ELAPOR1: variants seen among roughly 807,000 people sequenced by gnomAD.
ELAPOR1 encodes the protein endosome-lysosome associated apoptosis and autophagy regulator 1.
ELAPOR1 carries 77 observed loss-of-function variants against 119.7 expected under a neutral mutation model. That is an observed-to-expected ratio of 0.64 (90% CI 0.54 to 0.78). The LOEUF is 0.78. ELAPOR1 is among the 30% of genes least tolerant of loss of function. ELAPOR1 has a pLI of 0.00. For missense variants in ELAPOR1, 1,115 were observed against 1,270.4 expected (o/e 0.88, Z 1.86); for synonymous variants, 481 against 487.2 (o/e 0.99, Z 0.17).
rs963650997 is a variant in ELAPOR1 at position 109,190,842 on chromosome 1, G to A, written c.1440-524G>A. On this transcript the variant is annotated intron_variant, in intron 11 of 21. Transcript: ENST00000369939. Reference sequence around the variant, plus strand: ...TCACAAATTCTGCTCCTTTAACCCCGGCAAAGCTCCCCAGTGCTGGAGAGA... The same window carrying A: ...TCACAAATTCTGCTCCTTTAACCCCAGCAAAGCTCCCCAGTGCTGGAGAGA... Among the ~76,000 whole-genome samples, 14 of 152,024 alleles carry A rather than the reference G, an allele frequency of 9.2e-5. 1 individual carries two copies. The highest frequency in any genetic ancestry group is 2.1e-4 in the South Asian group (1 of 4,824).
intron 3 of ELAPOR1, among the ~76,000 whole-genome samples, chr1:109,168,354 A>G (rs552388210): frequency 6.6e-6 from 1 of 152,360 alleles, no homozygotes; most frequent in South Asian, 2.1e-4. Context: ...AAGAGAATGC[A>G]AGCCCCAAGA....
intron 1 of ELAPOR1, among the ~76,000 whole-genome samples, chr1:109,160,856 G>A (rs1245036600): frequency 6.6e-6 from 1 of 152,152 alleles, no homozygotes; most frequent in East Asian, 1.9e-4. Context: ...AGGGCATTTG[G>A]CACATCAATT....
chr1:109,120,205 C>T (rs754850401), intron 1 of ELAPOR1, among the ~76,000 whole-genome samples: 2 of 152,072 alleles, frequency 1.3e-5, no homozygotes, highest in Non-Finnish European at 2.9e-5. Context: ...CAAGACCAGC[C>T]TGGCCAACAT....
intron 1 of ELAPOR1, among the ~76,000 whole-genome samples, chr1:109,150,397 T>C (rs936478331): frequency 6.6e-6 from 1 of 152,180 alleles, no homozygotes; most frequent in Admixed American, 6.5e-5. Flanking sequence ...AGCACTGTGT[T>C]GCTAGGCGAC....
intron 1 of ELAPOR1, among the ~76,000 whole-genome samples, chr1:109,117,545 G>A (rs1648095967): frequency 6.6e-6 from 1 of 152,210 alleles, no homozygotes. Flanking sequence ...ATGCCATTTA[G>A]TAAGGATGCT....
chr1:109,179,967 G>A (rs989162078), intron 7 of ELAPOR1, among the ~76,000 whole-genome samples: 1 of 152,134 alleles, frequency 6.6e-6, no homozygotes, highest in African/African-American at 2.4e-5. Flanking sequence ...CACTCTGGCT[G>A]CCATGCAGAG....
Position 109,194,466 on chromosome 1 carries a change from C to G in ELAPOR1, c.1993C>G (p.Pro665Ala), listed in dbSNP as rs368424042. 1.2e-6 allele frequency: 2 copies of G among 1,613,752 alleles called. No homozygotes were observed. The highest frequency in any genetic ancestry group is 2.7e-5 in the African/African-American group (2 of 74,932). ...CGATTGCACCTTCTCACGCAACACT[C>G]CGACCAGGACTTTCAACTACAACTT... Reference protein sequence around the residue: ...YNDCTFSRNTPTRTFNYNFSA... With the variant: ...YNDCTFSRNTATRTFNYNFSA... Residue 665 changes from proline to alanine, a missense_variant, in exon 15 of 22, where the codon CCG becomes GCG. Coordinates refer to ENST00000369939, the MANE Select transcript of ELAPOR1 (RefSeq NM_020775.5).
At chr1:109,138,837 A>AG (rs1649654339) in intron 1 of ELAPOR1, among the ~76,000 whole-genome samples, 2 of 150,646 alleles carry the variant, frequency 1.3e-5, no homozygotes, top group Non-Finnish European at 3.0e-5. Flanking sequence ...TCCATCTCAA[A>AG]AAAAAAAAAA....
At chr1:109,154,088 C>T (rs1488332424) in intron 1 of ELAPOR1, among the ~76,000 whole-genome samples, 1 of 151,400 alleles carries the variant, frequency 6.6e-6, no homozygotes, top group Non-Finnish European at 1.5e-5. Context: ...TTGAGATCAG[C>T]CTGACCAACA....
rs149484611 is a variant in ELAPOR1, at chr1:109,150,407, C to T, written c.154-11487C>T. Among the ~76,000 whole-genome samples the T allele has an allele frequency of 9.3e-3, 1,419 of 152,294 alleles. 10 individuals carry two copies. Among genetic ancestry groups the T allele is most frequent in the South Asian group, 0.037 (178 of 4,828 alleles). On this transcript the variant is annotated intron_variant, in intron 1 of 21. Transcript: ENST00000369939. Reference sequence around the variant, plus strand: ...ACCCCAGCACTGTGTTGCTAGGCGACGGTCCAGGGATTGAGGACGGCCAGC... The same window carrying T: ...ACCCCAGCACTGTGTTGCTAGGCGATGGTCCAGGGATTGAGGACGGCCAGC...
At chr1:109,190,866 G>A (rs929747331) in intron 11 of ELAPOR1, among the ~76,000 whole-genome samples, 1 of 152,136 alleles carries the variant, frequency 6.6e-6, no homozygotes, top group South Asian at 2.1e-4. Context: ...GTGCTGGAGA[G>A]ACAGCTGCTG....
intron 1 of ELAPOR1, among the ~76,000 whole-genome samples, chr1:109,136,876 T>C (rs1649505585): frequency 6.6e-6 from 1 of 152,092 alleles, no homozygotes; most frequent in Non-Finnish European, 1.5e-5. Flanking sequence ...GTCAAATAAT[T>C]TACCATCTAA....
At chr1:109,116,920 A>T (rs1047082958) in intron 1 of ELAPOR1, among the ~76,000 whole-genome samples, 1 of 152,140 alleles carries the variant, frequency 6.6e-6, no homozygotes, top group African/African-American at 2.4e-5. Flanking sequence ...TGAACTCCTG[A>T]CCTCAGGTGA....
rs554106538 is a variant in ELAPOR1, at chr1:109,202,168, A to G, written c.2974-776A>G. Among the ~76,000 whole-genome samples, 43 of 152,306 alleles carry G rather than the reference A, an allele frequency of 2.8e-4. No homozygotes were observed. The South Asian group carries it at 8.9e-3, about 32-fold the overall frequency. On this transcript the variant is annotated intron_variant, in intron 21 of 21. Transcript: ENST00000369939. ...TGCTCTGTCTCCCAGGCTGGAGTGC[A>G]GTGGCATGATCTCAGCTCACTGCAA...
At chr1:109,175,183 A>T (rs1442737001) in intron 7 of ELAPOR1, among the ~76,000 whole-genome samples, 3 of 151,490 alleles carry the variant, frequency 2.0e-5, no homozygotes, top group African/African-American at 4.9e-5. Flanking sequence ...TTAAGTGGTG[A>T]ATTTTTATTT....
chr1:109,140,406 A>G (rs1441939200), intron 1 of ELAPOR1, among the ~76,000 whole-genome samples: 1 of 152,222 alleles, frequency 6.6e-6, no homozygotes, highest in East Asian at 1.9e-4. Context: ...CAAAGAGTGA[A>G]GGCCCTCGTA....
chr1:109,120,201 C>T (rs1648304453), intron 1 of ELAPOR1, among the ~76,000 whole-genome samples: 3 of 152,058 alleles, frequency 2.0e-5, no homozygotes, highest in Admixed American at 2.0e-4. Flanking sequence ...AGTTCAAGAC[C>T]AGCCTGGCCA....
intron 1 of ELAPOR1, among the ~76,000 whole-genome samples, chr1:109,144,450 A>C (rs1326477674): frequency 6.6e-6 from 1 of 152,184 alleles, no homozygotes; most frequent in Non-Finnish European, 1.5e-5. Flanking sequence ...TCTTAGAAAT[A>C]GAATTCTAGG....
intron 7 of ELAPOR1, among the ~76,000 whole-genome samples, chr1:109,184,842 C>A (rs1652948907): frequency 6.6e-6 from 1 of 152,198 alleles, no homozygotes; most frequent in South Asian, 2.1e-4. Context: ...GGAACAGGTG[C>A]AAAGGGAAGC....
Sources: gnomAD v4.1 joint callset for allele counts (sites outside exome capture counted in the v4.1 genomes callset) on GRCh38, gnomAD v4.1.1 for gene constraint, MANE v1.5 for transcripts, NCBI Gene and HGNC (gene_info 2026-07-23, HGNC 2026-07-21) for gene names.